The following GAS7 variants were observed in gnomAD, a reference collection of about 807,000 sequenced individuals.
GAS7 encodes growth arrest-specific protein 7.
A neutral mutation model predicts 71.1 loss-of-function variants in GAS7; 28 were observed. The observed-to-expected ratio is 0.39, with a 90% CI of 0.29 to 0.54. The LOEUF (loss-of-function observed/expected upper bound fraction) is 0.54. GAS7 is among the 20% of genes least tolerant of loss of function. GAS7 has a pLI of 0.62. For synonymous variants in GAS7, 258 were observed against 245.8 expected, an observed-to-expected ratio of 1.05 and a Z score of -0.46; for missense variants, 436 against 627.8, an observed-to-expected ratio of 0.69 and a Z score of 3.27.
chr17:10,018,190 G>T (rs946885411), intron 2 of GAS7, among the ~76,000 whole-genome samples: 2 of 152,104 alleles, frequency 1.3e-5, no homozygotes, highest in Non-Finnish European at 2.9e-5. Flanking sequence ...TGAGACCGGG[G>T]ATTATTTTTT....
chr17:10,009,248 G>A (rs1428258073), intron 2 of GAS7, among the ~76,000 whole-genome samples: 1 of 147,914 alleles, frequency 6.8e-6, no homozygotes, highest in Non-Finnish European at 1.5e-5. Context: ...GTGAACCCGG[G>A]AGGCGGAGCT....
chr17:10,108,243 C>A (rs1286323383), intron 1 of GAS7, among the ~76,000 whole-genome samples: 1 of 152,236 alleles, frequency 6.6e-6, no homozygotes, highest in South Asian at 2.1e-4. Flanking sequence ...CACCTGGCAA[C>A]CTTCATTTAA....
chr17:9,927,484 A>AC (rs2068051945), intron 9 of GAS7, among the ~76,000 whole-genome samples: 1 of 151,600 alleles, frequency 6.6e-6, no homozygotes, highest in African/African-American at 2.4e-5. Flanking sequence ...GGTCTCAAAA[A>AC]AAAAAAACAA....
At chr17:10,098,581 A>G (rs1271689577) in intron 1 of GAS7, among the ~76,000 whole-genome samples, 1 of 152,216 alleles carries the variant, frequency 6.6e-6, no homozygotes. Flanking sequence ...ATATGCTACA[A>G]TAGGTATGAC....
chr17:10,069,880 A>G (rs986259091), intron 1 of GAS7, among the ~76,000 whole-genome samples: 6 of 152,166 alleles, frequency 3.9e-5, no homozygotes, highest in African/African-American at 1.4e-4. Flanking sequence ...TAACCACAAC[A>G]AACACCAAGC....
intron 2 of GAS7, among the ~76,000 whole-genome samples, chr17:10,002,665 G>A (rs1010972146): frequency 6.6e-6 from 1 of 152,044 alleles, no homozygotes; most frequent in Non-Finnish European, 1.5e-5. Flanking sequence ...GCAGTGTTTG[G>A]TTTTCTGTCC....
At chr17:10,069,451 C>T (rs2073317572) in intron 1 of GAS7, among the ~76,000 whole-genome samples, 1 of 152,180 alleles carries the variant, frequency 6.6e-6, no homozygotes, top group East Asian at 1.9e-4. Flanking sequence ...GTATTTCATG[C>T]CAATAAACAC....
chr17:9,950,279 G>A (rs866463710), intron 5 of GAS7, among the ~76,000 whole-genome samples: 1 of 152,008 alleles, frequency 6.6e-6, no homozygotes, highest in South Asian at 2.1e-4. Flanking sequence ...AAGCCAAGGC[G>A]GGCAGATCAC....
chr17:9,940,085 C>T (rs201448488), intron 8 of GAS7, 41 bp downstream of exon 8: 4 of 1,088,380 alleles, frequency 3.7e-6, no homozygotes, highest in East Asian at 2.4e-5. Context: ...CCTCAGTGAC[C>T]CCCCATCCTC....
At chr17:10,138,094 C>A (rs1036399151) in intron 1 of GAS7, among the ~76,000 whole-genome samples, 6 of 151,984 alleles carry the variant, frequency 3.9e-5, no homozygotes, top group Non-Finnish European at 8.8e-5. Context: ...TCCCGAGTAG[C>A]TGGGACTACA....
chr17:10,082,642 C>T (rs890398680), intron 1 of GAS7, among the ~76,000 whole-genome samples: 2 of 152,192 alleles, frequency 1.3e-5, no homozygotes, highest in Non-Finnish European at 2.9e-5. Flanking sequence ...TTCACTCCTA[C>T]GTACTTATGC....
chr17:10,036,328 C>A, intron 1 of GAS7: 1 of 987,768 alleles, frequency 1.0e-6, no homozygotes, highest in Non-Finnish European at 1.6e-6. Flanking sequence ...GACCCCAAAT[C>A]TCAGTTTTCA....
At chr17:10,021,373 A>C (rs1204275796) in intron 1 of GAS7, among the ~76,000 whole-genome samples, 11 of 152,224 alleles carry the variant, frequency 7.2e-5, no homozygotes. Flanking sequence ...TGAAGGTTGC[A>C]AAACCACGTG....
intron 1 of GAS7, among the ~76,000 whole-genome samples, chr17:10,075,938 C>T (rs2073385529): frequency 6.6e-6 from 1 of 151,546 alleles, no homozygotes; most frequent in African/African-American, 2.4e-5. Flanking sequence ...CCCACCCCTA[C>T]TAAAAATACA....
At chr17:10,035,873 T>A (rs2072736119) in intron 1 of GAS7, among the ~76,000 whole-genome samples, 2 of 152,176 alleles carry the variant, frequency 1.3e-5, no homozygotes, top group Non-Finnish European at 2.9e-5. Flanking sequence ...GGGCAGGTAC[T>A]TCTGCTAGGG....
intron 9 of GAS7, among the ~76,000 whole-genome samples, chr17:9,928,802 T>A (rs2068105497): frequency 6.6e-6 from 1 of 152,206 alleles, no homozygotes; most frequent in African/African-American, 2.4e-5. Context: ...CTGTGCCCAG[T>A]GTCTGACCTG....
chr17:10,117,430 G>C (rs1444971087), intron 1 of GAS7, among the ~76,000 whole-genome samples: 1 of 152,116 alleles, frequency 6.6e-6, no homozygotes, highest in African/African-American at 2.4e-5. Flanking sequence ...ATCTTCAGGG[G>C]ACCATTACTC....
intron 7 of GAS7, among the ~76,000 whole-genome samples, 181 bp downstream of exon 7, chr17:9,942,940 G>A (rs563114909): frequency 2.0e-3 from 299 of 152,100 alleles, no homozygotes; most frequent in African/African-American, 7.1e-3. Flanking sequence ...ACACTATATC[G>A]GCCAAAGGTA....
intron 2 of GAS7, among the ~76,000 whole-genome samples, chr17:10,018,311 C>G (rs1264594675): frequency 2.0e-5 from 3 of 152,150 alleles, no homozygotes; most frequent in Non-Finnish European, 1.5e-5. Flanking sequence ...CCCCCATGCC[C>G]CTTTGCAATA....
Sources: allele counts gnomAD v4.1 joint callset (sites outside exome capture counted in the v4.1 genomes callset), GRCh38; gene constraint gnomAD v4.1.1; transcripts MANE v1.5; gene names NCBI Gene and HGNC (gene_info 2026-07-23, HGNC 2026-07-21).